The following DLG2 variants were observed in gnomAD, a reference collection of about 807,000 sequenced individuals.
DLG2 encodes the protein discs large MAGUK scaffold protein 2.
Under a neutral mutation model 132.5 loss-of-function variants are expected in DLG2, and 45 were observed. That is an observed-to-expected ratio of 0.34 (90% CI 0.27 to 0.44). The LOEUF (loss-of-function observed/expected upper bound fraction) is 0.44, where lower values mean the gene tolerates loss of function less well. Among genes scored for constraint, DLG2 ranks in the 20% least tolerant of loss-of-function variants. The pLI, the probability that DLG2 is intolerant of heterozygous loss-of-function variation, is 1.00. For missense variants in DLG2, 1,045 were observed against 1,196.9 expected, an observed-to-expected ratio of 0.87 and a Z score of 1.87; for synonymous variants, 424 against 419.6, an observed-to-expected ratio of 1.01 and a Z score of -0.13.
intron 6 of DLG2, among the ~76,000 whole-genome samples, chr11:85,063,949 C>T (rs886440041): frequency 6.6e-6 from 1 of 151,710 alleles, no homozygotes; most frequent in Non-Finnish European, 1.5e-5. Context: ...GACTCAGTTG[C>T]CACTATTCCT....
Position 84,078,395 on chromosome 11 carries a change from A to G in DLG2, c.750-18911T>C, listed in dbSNP as rs565592476. On this transcript the variant is annotated intron_variant, in intron 10 of 27. Coordinates refer to ENST00000376104, the MANE Select transcript of DLG2 (RefSeq NM_001142699.3). ...TATTAAAAGCAAAGAATTGGAAACC[A>G]CATGATTTAACAAAATGATTAGTTA... is the stretch of plus-strand genomic sequence containing the variant. 1.8e-4 allele frequency among the ~76,000 whole-genome samples: 27 copies of G among 152,338 alleles called. 1 individual carries two copies. The highest frequency in any genetic ancestry group is 3.4e-3 in the Middle Eastern group (1 of 294).
intron 15 of DLG2, among the ~76,000 whole-genome samples, chr11:83,916,062 G>C (rs112009548): frequency 6.6e-6 from 1 of 152,052 alleles, no homozygotes. Flanking sequence ...TGCGTAACAC[G>C]TATCAGTACT....
At chr11:84,222,040 T>A (rs1374229973) in intron 8 of DLG2, among the ~76,000 whole-genome samples, 3 of 152,148 alleles carry the variant, frequency 2.0e-5, no homozygotes, top group Admixed American at 6.5e-5. Flanking sequence ...CTATTTTTTT[T>A]ATTTTTTTTT....
chr11:83,670,993 T>A (rs934904367), intron 18 of DLG2, among the ~76,000 whole-genome samples: 2 of 152,208 alleles, frequency 1.3e-5, no homozygotes, highest in Non-Finnish European at 2.9e-5. Flanking sequence ...TGTATGTATT[T>A]CTGTGTACAC....
At chr11:85,362,127 T>G (rs1244799235) in intron 3 of DLG2, among the ~76,000 whole-genome samples, 1 of 152,184 alleles carries the variant, frequency 6.6e-6, no homozygotes, top group African/African-American at 2.4e-5. Context: ...TGTCTAATTT[T>G]TGCATTTTTG....
intron 3 of DLG2, among the ~76,000 whole-genome samples, chr11:85,530,223 C>T (rs573987408): frequency 1.3e-5 from 2 of 151,742 alleles, no homozygotes; most frequent in South Asian, 2.1e-4. Context: ...CTTGAACTCC[C>T]GACCTCAGGT....
intron 3 of DLG2, among the ~76,000 whole-genome samples, chr11:85,346,814 T>C (rs1030128747): frequency 6.6e-6 from 1 of 151,252 alleles, no homozygotes; most frequent in Non-Finnish European, 1.5e-5. Context: ...GGGCAAATAA[T>C]GGTGAGGCAT....
chr11:84,020,504 T>G (rs765435699), intron 11 of DLG2, among the ~76,000 whole-genome samples: 27 of 152,194 alleles, frequency 1.8e-4, no homozygotes, highest in Non-Finnish European at 2.4e-4. Context: ...GAAAATGTAC[T>G]CTTCATTCAG....
intron 6 of DLG2, among the ~76,000 whole-genome samples, chr11:85,110,394 G>A (rs1041106640): frequency 2.6e-5 from 4 of 151,896 alleles, no homozygotes; most frequent in African/African-American, 9.7e-5. Flanking sequence ...CTCCAGCCTG[G>A]GCAACAGAGT....
chr11:83,815,489 C>G (rs565142183), intron 17 of DLG2, among the ~76,000 whole-genome samples: 22 of 152,270 alleles, frequency 1.4e-4, no homozygotes, highest in African/African-American at 5.3e-4. Context: ...CCAGCTGACC[C>G]TGTGATGTGC....
intron 14 of DLG2, among the ~76,000 whole-genome samples, chr11:83,948,587 GT>G (rs2084652559): frequency 1.4e-5 from 2 of 144,418 alleles, no homozygotes; most frequent in South Asian, 4.5e-4. Context: ...AAATCTTAAA[GT>G]TAATAATGCT....
intron 3 of DLG2, among the ~76,000 whole-genome samples, chr11:85,584,198 G>C (rs1390732255): frequency 6.6e-6 from 1 of 151,896 alleles, no homozygotes; most frequent in Non-Finnish European, 1.5e-5. Flanking sequence ...CTTGTAGCTT[G>C]GTTCCCACTT....
chr11:84,970,308 C>T (rs1460485787), intron 6 of DLG2, among the ~76,000 whole-genome samples: 3 of 152,168 alleles, frequency 2.0e-5, no homozygotes, highest in Non-Finnish European at 4.4e-5. Flanking sequence ...GTCTCTACTC[C>T]TCTTCCTTTT....
At chr11:85,122,170 C>T (rs1229425310) in intron 5 of DLG2, among the ~76,000 whole-genome samples, 2 of 152,156 alleles carry the variant, frequency 1.3e-5, no homozygotes, top group Non-Finnish European at 2.9e-5. Context: ...CACATTCTAG[C>T]AAGAAATAGG....
intron 6 of DLG2, among the ~76,000 whole-genome samples, chr11:84,577,446 G>A (rs976031068): frequency 1.3e-5 from 2 of 152,130 alleles, no homozygotes; most frequent in African/African-American, 4.8e-5. Context: ...TGGACAATAA[G>A]GTCCAGGCTG....
At chr11:85,149,089 T>C (rs2077052352) in intron 5 of DLG2, among the ~76,000 whole-genome samples, 1 of 152,188 alleles carries the variant, frequency 6.6e-6, no homozygotes, top group Admixed American at 6.5e-5. Context: ...GAGGTCTCTG[T>C]CCTGTTCCCT....
intron 6 of DLG2, among the ~76,000 whole-genome samples, chr11:85,062,518 G>A (rs1256670682): frequency 1.3e-5 from 2 of 150,524 alleles, no homozygotes; most frequent in South Asian, 2.1e-4. Context: ...ATCTTTATAA[G>A]ATAGGTAGTA....
intron 6 of DLG2, among the ~76,000 whole-genome samples, chr11:85,069,349 A>C (rs531582128): frequency 2.0e-5 from 3 of 152,172 alleles, no homozygotes; most frequent in Non-Finnish European, 2.9e-5. Context: ...AGAAACTACC[A>C]TCAGAGTGAA....
chr11:84,960,002 T>A (rs1169179241), intron 6 of DLG2, among the ~76,000 whole-genome samples: 2 of 152,218 alleles, frequency 1.3e-5, no homozygotes, highest in African/African-American at 4.8e-5. Context: ...AATTAGCATA[T>A]AATAAATATC....
Sources: allele counts gnomAD v4.1 joint callset (sites outside exome capture counted in the v4.1 genomes callset), GRCh38; gene constraint gnomAD v4.1.1; transcripts MANE v1.5; gene names NCBI Gene and HGNC (gene_info 2026-07-23, HGNC 2026-07-21).